Variants in KCNG2 observed in about 807,000 individuals in gnomAD.
KCNG2 encodes the protein voltage-gated potassium channel regulatory subunit KCNG2.
KCNG2 carries 7 observed loss-of-function variants against 12.3 expected under a neutral mutation model. That is an observed-to-expected ratio of 0.57 (90% CI 0.32 to 1.07). The LOEUF (loss-of-function observed/expected upper bound fraction) is 1.07, where lower values mean the gene tolerates loss of function less well. KCNG2 is among the 50% of genes least tolerant of loss of function. The pLI is 0.04. For synonymous variants in KCNG2, 414 were observed against 351.4 expected (o/e 1.18, Z -1.99); for missense variants, 703 against 726.0 (o/e 0.97, Z 0.36).
At chr18:79,850,284 A>C (rs1159641808) in intron 1 of KCNG2, among the ~76,000 whole-genome samples, 1 of 152,218 alleles carries the variant, frequency 6.6e-6, no homozygotes, top group African/African-American at 2.4e-5. Flanking sequence ...AGAGGTGATT[A>C]AAGTTTGTAT....
At chr18:79,820,866 T>A (rs1173549781) in intron 1 of KCNG2, among the ~76,000 whole-genome samples, 3 of 152,124 alleles carry the variant, frequency 2.0e-5, no homozygotes, top group Non-Finnish European at 4.4e-5. Flanking sequence ...CAGGCTGATC[T>A]CAAACTCTTG....
At chr18:79,888,212 C>T (rs1248604679) in intron 3 of KCNG2, among the ~76,000 whole-genome samples, 1 of 152,238 alleles carries the variant, frequency 6.6e-6, no homozygotes, top group African/African-American at 2.4e-5. Flanking sequence ...GATTCAGTCC[C>T]GTCCACGCGG....
intron 3 of KCNG2, among the ~76,000 whole-genome samples, chr18:79,873,434 C>CCCCCG (rs1979938952): frequency 2.1e-5 from 3 of 145,080 alleles, no homozygotes; most frequent in African/African-American, 7.6e-5. Flanking sequence ...CCTCCCCCCC[C>CCCCCG]CCCAGCCACC....
intron 3 of KCNG2, among the ~76,000 whole-genome samples, chr18:79,878,821 G>A (rs1980182012): frequency 2.0e-5 from 3 of 152,374 alleles, no homozygotes; most frequent in African/African-American, 4.8e-5. Flanking sequence ...CTTTCCGCAC[G>A]AAGGAAGATG....
intron 1 of KCNG2, among the ~76,000 whole-genome samples, chr18:79,848,301 C>T (rs1342790154): frequency 6.6e-6 from 1 of 152,238 alleles, no homozygotes; most frequent in African/African-American, 2.4e-5. Context: ...GCTGCGCAGC[C>T]TAAAACACCA....
At chr18:79,881,373 T>C (rs536239442) in intron 3 of KCNG2, among the ~76,000 whole-genome samples, 18 of 150,462 alleles carry the variant, frequency 1.2e-4, no homozygotes, top group South Asian at 2.1e-4. Flanking sequence ...ACACGCCGTA[T>C]GATTGGAAAG....
intron 1 of KCNG2, among the ~76,000 whole-genome samples, chr18:79,855,948 A>AT (rs1223527967): frequency 1.3e-5 from 2 of 151,950 alleles, no homozygotes; most frequent in Admixed American, 6.6e-5. Context: ...CAGTTGGCCC[A>AT]TTTTTTCTAT....
chr18:79,815,675 C>T (rs1165515231), intron 1 of KCNG2, among the ~76,000 whole-genome samples: 2 of 152,334 alleles, frequency 1.3e-5, no homozygotes, highest in East Asian at 3.9e-4. Context: ...CCTTGCTAAA[C>T]CATTCTGTCT....
intron 1 of KCNG2, among the ~76,000 whole-genome samples, chr18:79,833,583 C>A (rs555095413): frequency 6.6e-6 from 1 of 152,208 alleles, no homozygotes; most frequent in African/African-American, 2.4e-5. Flanking sequence ...ACAAAACCTG[C>A]AAGTTTATAG....
intron 1 of KCNG2, among the ~76,000 whole-genome samples, chr18:79,809,810 G>A (rs577719702): frequency 2.6e-5 from 4 of 152,342 alleles, no homozygotes; most frequent in South Asian, 2.1e-4. Flanking sequence ...TGGTCACCTC[G>A]TCCAGAAAAA....
At chr18:79,835,781 A>T (rs1978320694) in intron 1 of KCNG2, among the ~76,000 whole-genome samples, 1 of 152,176 alleles carries the variant, frequency 6.6e-6, no homozygotes, top group South Asian at 2.1e-4. Context: ...GGGATGTGGG[A>T]CATATAAAGG....
chr18:79,868,644 G>A (rs1979706923), intron 3 of KCNG2, among the ~76,000 whole-genome samples: 2 of 152,234 alleles, frequency 1.3e-5, no homozygotes, highest in African/African-American at 4.8e-5. Context: ...GGGGGCTGGT[G>A]AAGGACGTCA....
At chr18:79,804,976 G>C (rs1030061318) in intron 1 of KCNG2, among the ~76,000 whole-genome samples, 6 of 152,134 alleles carry the variant, frequency 3.9e-5, no homozygotes, top group Non-Finnish European at 7.4e-5. Context: ...ACGGGTGAAG[G>C]CTCTCATACA....
At chr18:79,882,998 A>G (rs1980376728) in intron 3 of KCNG2, among the ~76,000 whole-genome samples, 1 of 152,260 alleles carries the variant, frequency 6.6e-6, no homozygotes, top group East Asian at 1.9e-4. Flanking sequence ...TGTCACGTAC[A>G]GAGCGAGTGT....
chr18:79,885,645 A>C (rs1980497960), intron 3 of KCNG2, among the ~76,000 whole-genome samples: 1 of 152,254 alleles, frequency 6.6e-6, no homozygotes, highest in Non-Finnish European at 1.5e-5. Context: ...ACCAGTGGTT[A>C]GGACAGTGCC....
rs1023096679 is a variant in KCNG2 at position 79,884,007 on chromosome 18, G to A, written c.625-15033G>A. 1.4e-5 allele frequency among the ~76,000 whole-genome samples: 2 copies of A among 146,756 alleles called. No individual in the cohort carries two copies. Among genetic ancestry groups the A allele is most frequent in the African/African-American group, 2.6e-5 (1 of 39,142 alleles). ...GGGGACCGTCCCCCGCCCCCGTCTAGCCAGTCCCCACGTCCTGACGTTTCT... is the reference window on the plus strand; with the variant it reads ...GGGGACCGTCCCCCGCCCCCGTCTAACCAGTCCCCACGTCCTGACGTTTCT... On this transcript the variant is annotated intron_variant, in intron 3 of 3. Coordinates refer to ENST00000316249, the MANE Select transcript of KCNG2 (RefSeq NM_012283.2). This position sits in a 1 kb window ranked among gnomAD's most constrained non-coding sequence, Gnocchi z 5.5.
chr18:79,864,063 G>C lies in KCNG2; in HGVS notation c.396G>C (p.Glu132Asp). 1.8e-6 allele frequency: 2 copies of C among 1,089,814 alleles called. No homozygotes were observed. Among genetic ancestry groups the C allele is most frequent in the Non-Finnish European group, 1.1e-6 (1 of 897,676 alleles). The allele number at this position is 1,089,814 out of a possible 1,614,324, so 67.5% of individuals were successfully genotyped here. A position where few individuals can be genotyped will look rare whatever the true frequency, so the allele number is the denominator to read the frequency against. Residue 132 changes from glutamate to aspartate, a missense_variant, in exon 3 of 4, where the codon GAG becomes GAC. Glu to Asp is a conservative substitution (Grantham distance 45). Coordinates refer to ENST00000316249, the MANE Select transcript of KCNG2 (RefSeq NM_012283.2). Reference sequence around the variant, plus strand: ...GCCGCCGCGAGGAGGAGGCGGCCGAGGCCCGCGCGGGGCCGACGGAGCGCG... The same window carrying C: ...GCCGCCGCGAGGAGGAGGCGGCCGACGCCCGCGCGGGGCCGACGGAGCGCG... ...RLRRREEEAA[E>D]ARAGPTERGA...
At chr18:79,834,305 A>G (rs1978312083) in intron 1 of KCNG2, among the ~76,000 whole-genome samples, 1 of 152,162 alleles carries the variant, frequency 6.6e-6, no homozygotes, top group African/African-American at 2.4e-5. Context: ...TTATTGACTC[A>G]TGTTTTACAA....
At chr18:79,842,116 A>G (rs1266800265) in intron 1 of KCNG2, among the ~76,000 whole-genome samples, 1 of 152,144 alleles carries the variant, frequency 6.6e-6, no homozygotes, top group Non-Finnish European at 1.5e-5. Flanking sequence ...CCTCGCAGCC[A>G]CATGCTCCAG....
Sources: allele counts gnomAD v4.1 joint callset (sites outside exome capture counted in the v4.1 genomes callset), GRCh38; gene constraint gnomAD v4.1.1; non-coding constraint Gnocchi (gnomAD v3.1); transcripts MANE v1.5; gene names NCBI Gene and HGNC (gene_info 2026-07-23, HGNC 2026-07-21).